KCNIP4: variants seen among roughly 807,000 people sequenced by gnomAD.
KCNIP4 encodes Kv channel-interacting protein 4.
A neutral mutation model predicts 34.0 loss-of-function variants in KCNIP4; 12 were observed. The ratio of observed to expected loss-of-function variants is 0.35; its 90% CI spans 0.23 to 0.57. KCNIP4 has a LOEUF of 0.57. Among genes scored for constraint, KCNIP4 ranks in the 20% least tolerant of loss-of-function variants. The probability of loss-of-function intolerance (pLI) is 0.83; values close to 1 mark genes in which losing one functional copy is unlikely to be tolerated. For synonymous variants in KCNIP4, 124 were observed against 102.2 expected (o/e 1.21, Z -1.29); for missense variants, 238 against 311.7 (o/e 0.76, Z 1.78).
intron 1 of KCNIP4, among the ~76,000 whole-genome samples, chr4:20,913,147 A>T (rs992864682): frequency 1.4e-4 from 22 of 152,220 alleles, no homozygotes; most frequent in Admixed American, 1.0e-3. Context: ...ATTAACTGAT[A>T]AATGAATAAA....
chr4:20,965,984 G>A (rs921369780), intron 1 of KCNIP4, among the ~76,000 whole-genome samples: 1 of 152,118 alleles, frequency 6.6e-6, no homozygotes, highest in African/African-American at 2.4e-5. Flanking sequence ...AAATGCATTT[G>A]GCTAATTTCC....
At chr4:21,628,925 A>G (rs969391421) in intron 1 of KCNIP4, among the ~76,000 whole-genome samples, 2 of 152,226 alleles carry the variant, frequency 1.3e-5, no homozygotes, top group Admixed American at 6.5e-5. Flanking sequence ...TTTTAATTAT[A>G]TAAGAATTTC....
intron 1 of KCNIP4, among the ~76,000 whole-genome samples, chr4:21,583,675 C>T (rs531384388): frequency 4.0e-5 from 6 of 151,748 alleles, no homozygotes; most frequent in Admixed American, 6.6e-5. Flanking sequence ...GTTGAAATAC[C>T]GAACAAAGCC....
chr4:21,777,987 A>C (rs1719292492), intron 1 of KCNIP4, among the ~76,000 whole-genome samples: 1 of 152,090 alleles, frequency 6.6e-6, no homozygotes, highest in Non-Finnish European at 1.5e-5. Context: ...AGGGAAAATA[A>C]ATAATAATTT....
intron 1 of KCNIP4, among the ~76,000 whole-genome samples, chr4:21,178,214 C>A (rs764143220): frequency 6.6e-6 from 1 of 152,140 alleles, no homozygotes; most frequent in Non-Finnish European, 1.5e-5. Context: ...CCAAAGGGCA[C>A]AAGGCAGTTT....
At chr4:21,314,317 G>A (rs1467412045) in intron 1 of KCNIP4, among the ~76,000 whole-genome samples, 1 of 152,162 alleles carries the variant, frequency 6.6e-6, no homozygotes, top group Non-Finnish European at 1.5e-5. Context: ...AGGAACCTTA[G>A]TTACAGCTAC....
intron 1 of KCNIP4, among the ~76,000 whole-genome samples, chr4:21,475,857 T>C (rs1730906512): frequency 6.6e-6 from 1 of 152,228 alleles, no homozygotes; most frequent in Admixed American, 6.5e-5. Flanking sequence ...GGTATAACCA[T>C]GTTATTTAAT....
At chr4:21,502,046 A>G (rs1284100577) in intron 1 of KCNIP4, among the ~76,000 whole-genome samples, 1 of 151,626 alleles carries the variant, frequency 6.6e-6, no homozygotes, top group Non-Finnish European at 1.5e-5. Flanking sequence ...CAATGCAGGC[A>G]GCTTGCTAAA....
intron 3 of KCNIP4, among the ~76,000 whole-genome samples, chr4:20,817,627 A>C (rs35000276): frequency 0.027 from 3,984 of 145,166 alleles, 86 homozygotes; most frequent in South Asian, 0.088. Flanking sequence ...ATGGTGGCTC[A>C]TTTTACCTTT....
chr4:21,173,117 A>C (rs2109302033), intron 1 of KCNIP4, among the ~76,000 whole-genome samples: 1 of 152,282 alleles, frequency 6.6e-6, no homozygotes, highest in South Asian at 2.1e-4. Flanking sequence ...CCAAGAGCGC[A>C]TCTGATTGAT....
intron 1 of KCNIP4, among the ~76,000 whole-genome samples, chr4:21,618,577 TCTCA>T (rs1331858182): frequency 1.3e-5 from 2 of 150,806 alleles, no homozygotes; most frequent in African/African-American, 4.9e-5. Context: ...TCTCTCTCTC[TCTCA>T]CTCTCTGTTT....
At chr4:20,797,531 C>G (rs1053817946) in intron 3 of KCNIP4, among the ~76,000 whole-genome samples, 8 of 152,164 alleles carry the variant, frequency 5.3e-5, no homozygotes, top group African/African-American at 1.9e-4. Context: ...AAGCTATGTA[C>G]ACTATACAGT....
At position 21,255,856 on chromosome 4, in the gene KCNIP4, C is replaced by G. The variant is rs1051188251; in HGVS notation, c.62-373147G>C. Among the ~76,000 whole-genome samples, 45 of 152,166 alleles carry G rather than the reference C, an allele frequency of 3.0e-4. 1 individual carries two copies. The highest frequency in any genetic ancestry group is 2.7e-3 in the Admixed American group (41 of 15,268). On this transcript the variant is annotated intron_variant, in intron 1 of 8. Transcript: ENST00000382152. ...TTGAAGAAACATGTTGACAATAACC[C>G]GGATGCTTTATTCATTCATTTATTA...
At chr4:21,934,099 T>A (rs1206991416) in intron 1 of KCNIP4, among the ~76,000 whole-genome samples, 2 of 152,066 alleles carry the variant, frequency 1.3e-5, no homozygotes, top group Non-Finnish European at 2.9e-5. Context: ...CCATTGTCCT[T>A]GGAGGGGGTT....
intron 1 of KCNIP4, among the ~76,000 whole-genome samples, chr4:21,293,019 C>T (rs6448043): frequency 6.6e-6 from 1 of 152,090 alleles, no homozygotes; most frequent in African/African-American, 2.4e-5. Flanking sequence ...GGAGGACAAG[C>T]ATCAGGACAA....
At chr4:21,289,347 C>T (rs547755297) in intron 1 of KCNIP4, among the ~76,000 whole-genome samples, 10 of 152,128 alleles carry the variant, frequency 6.6e-5, no homozygotes, top group African/African-American at 1.7e-4. Context: ...AAATTATTGT[C>T]GAGTATAGTC....
chr4:21,271,049 T>C (rs1213357043), intron 1 of KCNIP4, among the ~76,000 whole-genome samples: 4 of 152,156 alleles, frequency 2.6e-5, no homozygotes, highest in African/African-American at 9.6e-5. Flanking sequence ...TATCCACTTA[T>C]TTTTTCCTTG....
chr4:21,441,153 T>C (rs1727437662), intron 1 of KCNIP4, among the ~76,000 whole-genome samples: 1 of 150,358 alleles, frequency 6.7e-6, no homozygotes, highest in Admixed American at 6.6e-5. Context: ...TTTTTTTTTT[T>C]CTTTTTGAGA....
At chr4:20,864,879 C>T (rs1722712323) in intron 2 of KCNIP4, among the ~76,000 whole-genome samples, 2 of 152,026 alleles carry the variant, frequency 1.3e-5, no homozygotes, top group South Asian at 4.1e-4. Flanking sequence ...AGATGCCTGC[C>T]TCAGTATCTT....
Sources: gnomAD v4.1 joint callset for allele counts (sites outside exome capture counted in the v4.1 genomes callset) on GRCh38, gnomAD v4.1.1 for gene constraint, MANE v1.5 for transcripts, NCBI Gene and HGNC (gene_info 2026-07-23, HGNC 2026-07-21) for gene names.